EVI5: variants seen among roughly 807,000 people sequenced by gnomAD.
EVI5 encodes the protein ecotropic viral integration site 5 protein homolog.
In EVI5, 73 loss-of-function variants were observed where a neutral mutation model predicts 112.0. The observed-to-expected ratio is 0.65, with a 90% CI of 0.54 to 0.79. EVI5 has a LOEUF of 0.79. Ranked by LOEUF, EVI5 falls within the 30% of genes least tolerant of loss-of-function variation. The pLI, the probability that EVI5 is intolerant of heterozygous loss-of-function variation, is 0.00. For missense variants in EVI5, 900 were observed against 968.8 expected (o/e 0.93, Z 0.94); for synonymous variants, 305 against 319.9 (o/e 0.95, Z 0.50).
At chr1:92,623,537 A>G (rs1279882889) in intron 16 of EVI5, among the ~76,000 whole-genome samples, 1 of 152,254 alleles carries the variant, frequency 6.6e-6, no homozygotes, top group African/African-American at 2.4e-5. Flanking sequence ...TCTTAAGTAT[A>G]TTTAAGATAG....
intron 19 of EVI5, among the ~76,000 whole-genome samples, chr1:92,540,315 A>G (rs1231384676): frequency 6.6e-6 from 1 of 152,114 alleles, no homozygotes; most frequent in East Asian, 1.9e-4. Context: ...GCTGTGTATG[A>G]GGGTTCCAAT....
intron 1 of EVI5, among the ~76,000 whole-genome samples, chr1:92,769,636 A>C (rs948585962): frequency 9.9e-5 from 15 of 152,230 alleles, no homozygotes; most frequent in East Asian, 1.9e-4. Context: ...CTGTAATCCC[A>C]GCACTTTGGG....
rs577333886 is a variant in EVI5, at chr1:92,592,179, C to G, written c.2070+13128G>C. On this transcript the variant is annotated intron_variant, in intron 18 of 19. Coordinates refer to ENST00000684568, the MANE Select transcript of EVI5 (RefSeq NM_001350197.2). ...AACGGCGTGAACCCAGGAGGCAGAG[C>G]TTGCAGTGAGCCAGGACCTTGCCAC... Among the ~76,000 whole-genome samples the G allele has an allele frequency of 2.0e-4, 30 of 152,206 alleles. 1 individual carries two copies. The East Asian group carries it at 4.8e-3, about 25-fold the overall frequency.
intron 1 of EVI5, among the ~76,000 whole-genome samples, chr1:92,752,565 G>T (rs779534337): frequency 1.3e-5 from 2 of 151,954 alleles, no homozygotes; most frequent in African/African-American, 4.8e-5. Flanking sequence ...AGGACCAATC[G>T]GAGTGCTAAG....
chr1:92,648,088 T>C (rs1661312307), intron 13 of EVI5, among the ~76,000 whole-genome samples: 1 of 141,064 alleles, frequency 7.1e-6, no homozygotes, highest in Admixed American at 6.9e-5. Context: ...GGCTCACGCC[T>C]GTAATCCCAG....
At chr1:92,749,376 T>C in intron 1 of EVI5, 1 of 177,208 alleles carries the variant, frequency 5.6e-6, no homozygotes, top group Non-Finnish European at 1.2e-5. Flanking sequence ...TTCTACAATA[T>C]GAACATATAA....
At chr1:92,703,360 C>A in intron 4 of EVI5, 35 bp downstream of exon 4, 2 of 1,229,806 alleles carry the variant, frequency 1.6e-6, no homozygotes, top group South Asian at 1.4e-5. Context: ...TCCAGGAATT[C>A]ATTTCATTTC....
chr1:92,720,525 T>C (rs533208619), intron 2 of EVI5, among the ~76,000 whole-genome samples: 1 of 152,286 alleles, frequency 6.6e-6, no homozygotes, highest in South Asian at 2.1e-4. Context: ...AAAAAGTAAT[T>C]CAAGATGGAT....
intron 18 of EVI5, among the ~76,000 whole-genome samples, chr1:92,584,108 AATATTTT>A (rs752539443): frequency 5.9e-5 from 9 of 152,170 alleles, no homozygotes; most frequent in Non-Finnish European, 1.5e-5. Flanking sequence ...TCATTTTAAG[AATATTTT>A]ATATTATACC....
intron 9 of EVI5, among the ~76,000 whole-genome samples, chr1:92,678,902 G>C (rs1183478466): frequency 1.3e-5 from 2 of 152,160 alleles, no homozygotes; most frequent in African/African-American, 4.8e-5. Flanking sequence ...GAAAGCTTGA[G>C]AAACTTCTGT....
intron 10 of EVI5, among the ~76,000 whole-genome samples, chr1:92,669,886 A>G (rs1249778456): frequency 6.6e-6 from 1 of 152,160 alleles, no homozygotes; most frequent in Non-Finnish European, 1.5e-5. Context: ...CACAGAGAGG[A>G]AGATACCTAG....
intron 1 of EVI5, among the ~76,000 whole-genome samples, chr1:92,744,968 T>A (rs1034849300): frequency 1.1e-4 from 16 of 152,166 alleles, no homozygotes; most frequent in African/African-American, 3.6e-4. Context: ...CAGAGTCTTG[T>A]CACCCAGGCT....
intron 19 of EVI5, among the ~76,000 whole-genome samples, chr1:92,528,010 T>C (rs1344073769): frequency 6.6e-6 from 1 of 152,224 alleles, no homozygotes; most frequent in Non-Finnish European, 1.5e-5. Context: ...ATTTAGTAAA[T>C]ACTGCCAAAC....
intron 19 of EVI5, among the ~76,000 whole-genome samples, chr1:92,551,321 C>T (rs1018134718): frequency 6.6e-6 from 1 of 152,114 alleles, no homozygotes; most frequent in South Asian, 2.1e-4. Context: ...AGCCACTGTG[C>T]TCGGCAACTG....
In EVI5 at chr1:92,563,611, C is replaced by A. The variant is rs982189068; in HGVS notation, c.2166+31G>T. On this transcript the variant is annotated intron_variant, in intron 19 of 19. Coordinates refer to ENST00000684568, the MANE Select transcript of EVI5 (RefSeq NM_001350197.2). ...TTACAATACAGAGGAAGGAAGAAAG[C>A]AATATGTGAAGATCAAAATTTATCA... 4.4e-6 allele frequency: 5 copies of A among 1,142,978 alleles called. No individual in the cohort carries two copies. The African/African-American group carries it at 7.6e-5, about 17-fold the overall frequency. 70.8% of individuals were successfully genotyped at this position (1,142,978 alleles called of 1,614,324 possible).
At chr1:92,678,049 T>C (rs1043493302) in intron 9 of EVI5, among the ~76,000 whole-genome samples, 4 of 152,106 alleles carry the variant, frequency 2.6e-5, no homozygotes, top group Admixed American at 2.0e-4. Flanking sequence ...TGAGGACTAA[T>C]AGAAGGCGAA....
At position 92,512,269 on chromosome 1, in the gene EVI5, A is replaced by C. The variant is rs1269502409; in HGVS notation, c.*1387T>G. The C allele has an allele frequency of 6.6e-6, 1 of 152,662 alleles. No individual in the cohort carries two copies. The highest frequency in any genetic ancestry group is 1.5e-5 in the Non-Finnish European group (1 of 68,040). 9.5% of individuals were successfully genotyped at this position (152,662 alleles called of 1,614,324 possible). Reference sequence around the variant, plus strand: ...TAGATTATTTGTAGATATAATTGCTATGTTTCTTGGACCTTAGCCCATTGC... The same window carrying C: ...TAGATTATTTGTAGATATAATTGCTCTGTTTCTTGGACCTTAGCCCATTGC... On this transcript the variant is annotated 3_prime_UTR_variant, in exon 20 of 20. Coordinates refer to ENST00000684568, the MANE Select transcript of EVI5 (RefSeq NM_001350197.2).
intron 11 of EVI5, among the ~76,000 whole-genome samples, chr1:92,664,059 C>A (rs1664475332): frequency 6.6e-6 from 1 of 152,178 alleles, no homozygotes; most frequent in South Asian, 2.1e-4. Flanking sequence ...AATATTTCCT[C>A]TTCCTCTTTT....
intron 14 of EVI5, 79 bp downstream of exon 14, chr1:92,636,123 A>T (rs1658775670): frequency 8.7e-7 from 1 of 1,153,024 alleles, no homozygotes; most frequent in Non-Finnish European, 1.2e-6. Flanking sequence ...CAAGTCAATT[A>T]AATTGCTCAG....
Sources: gnomAD v4.1 joint callset for allele counts (sites outside exome capture counted in the v4.1 genomes callset) on GRCh38, gnomAD v4.1.1 for gene constraint, MANE v1.5 for transcripts, NCBI Gene and HGNC (gene_info 2026-07-23, HGNC 2026-07-21) for gene names.